STARD13: variants seen among roughly 807,000 people sequenced by gnomAD.
STARD13 encodes the protein StAR related lipid transfer domain containing 13.
A neutral mutation model predicts 106.4 loss-of-function variants in STARD13; 62 were observed. The ratio of observed to expected loss-of-function variants is 0.58; its 90% CI spans 0.48 to 0.72. The LOEUF (loss-of-function observed/expected upper bound fraction) is 0.72. Ranked by LOEUF, STARD13 falls within the 30% of genes least tolerant of loss-of-function variation. STARD13 has a pLI of 0.00. For missense variants in STARD13, 1,387 were observed against 1,424.0 expected (o/e 0.97, Z 0.42); for synonymous variants, 565 against 553.0 (o/e 1.02, Z -0.31).
intron 8 of STARD13, chr13:33,117,534 A>T (rs1875574281): frequency 5.1e-6 from 4 of 784,840 alleles, no homozygotes; most frequent in Non-Finnish European, 6.2e-6. Flanking sequence ...TAACATTATT[A>T]AAAAAAATCC....
intron 1 of STARD13, among the ~76,000 whole-genome samples, chr13:33,206,394 CA>C (rs1887422244): frequency 5.3e-5 from 8 of 151,620 alleles, no homozygotes; most frequent in African/African-American, 1.5e-4. Flanking sequence ...CACACACACA[CA>C]CCCATAAATA....
chr13:33,361,916 A>G, the STARD13 span, among the ~76,000 whole-genome samples: 3 of 152,212 alleles, frequency 2.0e-5, no homozygotes, highest in Non-Finnish European at 4.4e-5. Context: ...AACTGCATTT[A>G]CCTTCCATAT....
At chr13:33,262,316 CT>C (rs1277371686) in intron 1 of STARD13, among the ~76,000 whole-genome samples, 1 of 152,170 alleles carries the variant, frequency 6.6e-6, no homozygotes, top group Non-Finnish European at 1.5e-5. Context: ...GTCTGCCTGC[CT>C]CGGTCCTGCC....
chr13:33,391,038 C>T, the STARD13 span, among the ~76,000 whole-genome samples: 1 of 152,222 alleles, frequency 6.6e-6, no homozygotes, highest in African/African-American at 2.4e-5. Context: ...AGGATTTTCC[C>T]TTCTTATTGA....
chr13:33,445,144 T>A, the STARD13 span, among the ~76,000 whole-genome samples: 1 of 152,192 alleles, frequency 6.6e-6, no homozygotes. Flanking sequence ...ATTGTACTAG[T>A]CAAACTAGAA....
chr13:33,237,347 A>T (rs1174349791), intron 1 of STARD13, among the ~76,000 whole-genome samples: 1 of 152,216 alleles, frequency 6.6e-6, no homozygotes, highest in Non-Finnish European at 1.5e-5. Context: ...TAAATTCATA[A>T]AACATCTATA....
chr13:33,327,024 A>T (rs9569339), intron 1 of STARD13, among the ~76,000 whole-genome samples: 94,526 of 152,072 alleles, frequency 0.62, 30,598 homozygotes, highest in East Asian at 0.94. Context: ...TTATGTATTA[A>T]TTTCAATCAC....
intron 1 of STARD13, among the ~76,000 whole-genome samples, chr13:33,261,607 T>C (rs531356819): frequency 6.6e-6 from 1 of 152,174 alleles, no homozygotes; most frequent in African/African-American, 2.4e-5. Flanking sequence ...AGGTCAGCAT[T>C]TATATGCTGA....
intron 4 of STARD13, among the ~76,000 whole-genome samples, chr13:33,141,671 TG>T (rs968960590): frequency 1.3e-5 from 2 of 152,084 alleles, no homozygotes; most frequent in African/African-American, 4.8e-5. Context: ...TGCCTGATAG[TG>T]GGGGCATCTT....
chr13:33,669,231 A>T, the STARD13 span, among the ~76,000 whole-genome samples: 3 of 152,230 alleles, frequency 2.0e-5, no homozygotes, highest in African/African-American at 7.2e-5. Flanking sequence ...AAAGGAACAC[A>T]GACACAGGAA....
intron 3 of STARD13, among the ~76,000 whole-genome samples, chr13:33,154,041 T>C (rs1052907760): frequency 2.6e-5 from 4 of 152,114 alleles, no homozygotes; most frequent in African/African-American, 4.8e-5. Flanking sequence ...TGGCGGACTG[T>C]TGGAAAATGC....
chr13:33,128,446 G>T (rs770269), intron 5 of STARD13, among the ~76,000 whole-genome samples: 119,704 of 152,118 alleles, frequency 0.79, 47,206 homozygotes, highest in East Asian at 0.8. Flanking sequence ...GGTCAGCTTT[G>T]ATGTACTTTG....
the STARD13 span, among the ~76,000 whole-genome samples, chr13:33,493,164 T>C: frequency 6.6e-6 from 1 of 152,266 alleles, no homozygotes; most frequent in Non-Finnish European, 1.5e-5. Context: ...GTGGAACAGC[T>C]AAAAAGTTTG....
intron 1 of STARD13, among the ~76,000 whole-genome samples, chr13:33,199,916 T>C (rs1208329549): frequency 6.6e-6 from 1 of 152,228 alleles, no homozygotes; most frequent in African/African-American, 2.4e-5. Flanking sequence ...TAAGCACATG[T>C]GGGAAGAACA....
At chr13:33,578,969 GA>G in the STARD13 span, among the ~76,000 whole-genome samples, 1 of 152,078 alleles carries the variant, frequency 6.6e-6, no homozygotes, top group East Asian at 1.9e-4. Flanking sequence ...ACTCCAGCCA[GA>G]ATGGTCATTG....
the STARD13 span, among the ~76,000 whole-genome samples, chr13:33,556,889 G>C: frequency 2.6e-5 from 4 of 152,046 alleles, no homozygotes; most frequent in Non-Finnish European, 5.9e-5. Context: ...AAGTAGCTGG[G>C]ACCACAAGCA....
chr13:33,480,516 C>T, the STARD13 span, among the ~76,000 whole-genome samples: 1 of 152,104 alleles, frequency 6.6e-6, no homozygotes, highest in East Asian at 1.9e-4. Flanking sequence ...GGCATGAAAC[C>T]ATGACTATTA....
intron 7 of STARD13, among the ~76,000 whole-genome samples, chr13:33,123,117 A>G (rs1229890122): frequency 6.7e-6 from 1 of 149,864 alleles, no homozygotes; most frequent in Non-Finnish European, 1.5e-5. Context: ...ATAGCCCCAG[A>G]GCACTGCTCA....
the STARD13 span, among the ~76,000 whole-genome samples, chr13:33,365,986 T>C: frequency 6.6e-6 from 1 of 152,114 alleles, no homozygotes; most frequent in Non-Finnish European, 1.5e-5. Flanking sequence ...CATCCATTGA[T>C]AGTTTTCTTT....
Sources: gnomAD v4.1 joint callset for allele counts (sites outside exome capture counted in the v4.1 genomes callset) on GRCh38, gnomAD v4.1.1 for gene constraint, MANE v1.5 for transcripts, NCBI Gene and HGNC (gene_info 2026-07-23, HGNC 2026-07-21) for gene names.